SLC22A24: variants seen among roughly 807,000 people sequenced by gnomAD.
SLC22A24 encodes solute carrier family 22 member 24, also known as steroid transmembrane transporter SLC22A24.
A neutral mutation model predicts 49.8 loss-of-function variants in SLC22A24; 53 were observed. That is an observed-to-expected ratio of 1.06 (90% CI 0.85 to 1.34). SLC22A24 has a LOEUF of 1.34. Among genes scored for constraint, SLC22A24 ranks in the 40% most tolerant of loss-of-function variants. SLC22A24 has a pLI of 0.00. For synonymous variants in SLC22A24, 302 were observed against 256.4 expected (o/e 1.18, Z -1.70); for missense variants, 786 against 675.9 (o/e 1.16, Z -1.81).
At chr11:63,100,446 A>T (rs1242392110) in intron 5 of SLC22A24, among the ~76,000 whole-genome samples, 1 of 152,168 alleles carries the variant, frequency 6.6e-6, no homozygotes, top group African/African-American at 2.4e-5. Flanking sequence ...AATATATTCC[A>T]TGTTCATGGA....
chr11:63,088,584 A>G (rs2087001117), intron 6 of SLC22A24, among the ~76,000 whole-genome samples: 1 of 152,164 alleles, frequency 6.6e-6, no homozygotes, highest in South Asian at 2.1e-4. Flanking sequence ...AATGAGACTG[A>G]TGAATTGACA....
intron 5 of SLC22A24, among the ~76,000 whole-genome samples, chr11:63,098,405 A>G (rs977815299): frequency 1.3e-5 from 2 of 152,190 alleles, no homozygotes; most frequent in Admixed American, 1.3e-4. Flanking sequence ...ACAGTGGCTC[A>G]TGCCTATAAT....
At chr11:63,129,681 G>A (rs2087319499) in intron 2 of SLC22A24, among the ~76,000 whole-genome samples, 1 of 152,080 alleles carries the variant, frequency 6.6e-6, no homozygotes, top group Non-Finnish European at 1.5e-5. Flanking sequence ...TTTCCTTGAG[G>A]AGGTTCTTCA....
intron 6 of SLC22A24, among the ~76,000 whole-genome samples, chr11:63,087,389 C>T (rs537781152): frequency 5.9e-5 from 9 of 152,126 alleles, no homozygotes; most frequent in Non-Finnish European, 1.3e-4. Context: ...GCTACATGGC[C>T]GGGTTACTAC....
intron 4 of SLC22A24, among the ~76,000 whole-genome samples, chr11:63,113,024 A>AT: frequency 1.6e-5 from 1 of 60,952 alleles, no homozygotes. Context: ...AAAAAAAAAA[A>AT]AAAAAAAAAA....
Position 63,081,661 on chromosome 11 carries a change from G to A in SLC22A24, c.1291C>T (p.Gln431Ter). 1 of 1,548,194 alleles carries A rather than the reference G, an allele frequency of 6.5e-7. No individual in the cohort carries two copies. Among genetic ancestry groups the A allele is most frequent in the South Asian group, 1.2e-5 (1 of 83,988 alleles). Residue 431 changes from glutamine (Q) to a stop codon, truncating the protein, a stop_gained, in exon 8 of 10, where the codon CAG becomes TAG. Coordinates refer to ENST00000612278, the MANE Select transcript of SLC22A24 (RefSeq NM_001136506.2). LOFTEE classifies it high-confidence loss of function. ...LVNTFLPQEM[Q>*]ILRVVLATLG... ...GTTGCTAAAACCACACGCAGGATCTGCATTTCTAGAGAGAACAGTGAGAAT... is the reference window on the plus strand; with the variant it reads ...GTTGCTAAAACCACACGCAGGATCTACATTTCTAGAGAGAACAGTGAGAAT...
intron 2 of SLC22A24, among the ~76,000 whole-genome samples, chr11:63,120,443 T>G (rs1198948699): frequency 6.6e-6 from 1 of 151,222 alleles, no homozygotes; most frequent in African/African-American, 2.4e-5. Flanking sequence ...CCCTAAAACT[T>G]AAAATATAAT....
chr11:63,140,254 G>A (rs1044331775), intron 1 of SLC22A24, among the ~76,000 whole-genome samples: 44 of 151,746 alleles, frequency 2.9e-4, no homozygotes, highest in Admixed American at 1.2e-3. Context: ...GCTAATTTTT[G>A]TATTTTTAGT....
intron 6 of SLC22A24, among the ~76,000 whole-genome samples, chr11:63,084,022 A>G (rs1447400837): frequency 6.6e-6 from 1 of 152,192 alleles, no homozygotes; most frequent in Non-Finnish European, 1.5e-5. Context: ...GAGGAATCAT[A>G]ACACATTTAC....
At position 63,083,226 on chromosome 11, in the gene SLC22A24, A is replaced by G. The variant is rs1448551571; in HGVS notation, c.1285+17T>C. On this transcript the variant is annotated intron_variant, in intron 7 of 9. Coordinates refer to ENST00000612278, the MANE Select transcript of SLC22A24 (RefSeq NM_001136506.2). ...GGGGGTAACTACTTTCTTTCCTGAA[A>G]CTCCTGTCTCTCTCACCTTGGGGCA... is the stretch of plus-strand genomic sequence containing the variant. The G allele has an allele frequency of 6.5e-7, 1 of 1,544,832 alleles. No individual in the cohort carries two copies. The highest frequency in any genetic ancestry group is 2.0e-5 in the Admixed American group (1 of 50,892).
intron 4 of SLC22A24, chr11:63,116,056 A>G (rs1565333387): frequency 2.9e-6 from 1 of 349,468 alleles, no homozygotes; most frequent in Non-Finnish European, 5.3e-6. Flanking sequence ...TAGGCAAGTC[A>G]ATCGAGCTTG....
chr11:63,134,862 A>G (rs2087362660), intron 1 of SLC22A24, 94 bp from the exon 2 acceptor site: 7 of 800,406 alleles, frequency 8.7e-6, no homozygotes, highest in South Asian at 5.3e-5. Context: ...GGTGTACACA[A>G]TCCTCTGCTA....
intron 5 of SLC22A24, among the ~76,000 whole-genome samples, chr11:63,096,988 G>GA (rs2087058659): frequency 6.6e-6 from 1 of 152,068 alleles, no homozygotes; most frequent in Non-Finnish European, 1.5e-5. Flanking sequence ...CACAGGAGTA[G>GA]AAACATTATT....
At chr11:63,120,615 C>T (rs1232339044) in intron 2 of SLC22A24, among the ~76,000 whole-genome samples, 2 of 152,008 alleles carry the variant, frequency 1.3e-5, no homozygotes, top group Non-Finnish European at 2.9e-5. Flanking sequence ...ATGTGTGTCA[C>T]AGACTGGCAG....
At chr11:63,114,549 T>G (rs2087198394) in intron 4 of SLC22A24, among the ~76,000 whole-genome samples, 1 of 152,212 alleles carries the variant, frequency 6.6e-6, no homozygotes, top group South Asian at 2.1e-4. Flanking sequence ...TTCTGAAGCC[T>G]ACTTCTGTTA....
intron 1 of SLC22A24, chr11:63,137,977 T>C (rs892836387): frequency 6.6e-6 from 1 of 152,206 alleles, no homozygotes; most frequent in African/African-American, 2.4e-5. Flanking sequence ...GTTTGATTAA[T>C]AAAAAAAGGA....
At chr11:63,129,700 G>C (rs1386983809) in intron 2 of SLC22A24, among the ~76,000 whole-genome samples, 1 of 152,126 alleles carries the variant, frequency 6.6e-6, no homozygotes, top group African/African-American at 2.4e-5. Flanking sequence ...CACATCCCTT[G>C]TAAGTTGGAT....
intron 5 of SLC22A24, among the ~76,000 whole-genome samples, chr11:63,098,610 C>G (rs1348275611): frequency 6.6e-6 from 1 of 152,022 alleles, no homozygotes; most frequent in Non-Finnish European, 1.5e-5. Flanking sequence ...TTGCAGTAAG[C>G]CAAGATTACA....
At position 63,107,400 on chromosome 11, in the gene SLC22A24, G is replaced by A. The variant is rs368900998; in HGVS notation, c.831-3102C>T. Among the ~76,000 whole-genome samples the A allele has an allele frequency of 2.6e-4, 39 of 152,258 alleles. 1 individual carries two copies. The South Asian group carries it at 7.1e-3, about 28-fold the overall frequency. ...AGCTTTGTTCTTTTGGCTTAGGATT[G>A]TCTTGGCAATGTGGGCTCTTTTTTG... On this transcript the variant is annotated intron_variant, in intron 4 of 9. Transcript: ENST00000612278.
Sources: allele counts gnomAD v4.1 joint callset (sites outside exome capture counted in the v4.1 genomes callset), GRCh38; gene constraint gnomAD v4.1.1; transcripts MANE v1.5; gene names NCBI Gene and HGNC (gene_info 2026-07-23, HGNC 2026-07-21).